Variants in TMEM11 observed in about 807,000 individuals in gnomAD.
TMEM11 encodes the protein transmembrane protein 11, also known as transmembrane protein 11, mitochondrial.
Under a neutral mutation model 17.0 loss-of-function variants are expected in TMEM11, and 1 was observed. That is an observed-to-expected ratio of 0.06 (90% CI 0.02 to 0.28). The LOEUF (loss-of-function observed/expected upper bound fraction) is 0.28, where lower values mean the gene tolerates loss of function less well. TMEM11 is among the 10% of genes least tolerant of loss of function. The probability of loss-of-function intolerance (pLI) is 1.00; values close to 1 mark genes in which losing one functional copy is unlikely to be tolerated. For missense variants in TMEM11, 172 were observed against 252.9 expected (o/e 0.68, Z 2.17); for synonymous variants, 122 against 118.1 (o/e 1.03, Z -0.21).
At chr17:21,203,055 G>A (rs1974899870) in intron 1 of TMEM11, among the ~76,000 whole-genome samples, 1 of 152,216 alleles carries the variant, frequency 6.6e-6, no homozygotes, top group African/African-American at 2.4e-5. Context: ...GCACAACGGC[G>A]CTGAGGCCAG....
chr17:21,211,355 T>A lies in TMEM11; in HGVS notation c.62+2736A>T, dbSNP rs191432147. The A allele has an allele frequency of 6.9e-5, 46 of 664,044 alleles. No homozygotes were observed. The Admixed American group carries it at 7.0e-4, about 10-fold the overall frequency. 41.1% of individuals were successfully genotyped at this position (664,044 alleles called of 1,614,324 possible). A position where few individuals can be genotyped will look rare whatever the true frequency, so the allele number is the denominator to read the frequency against. On this transcript the variant is annotated intron_variant, in intron 1 of 1. Transcript: ENST00000317635. ...ACTTTCTGCAGTGATGGAAATGTCCTCCACCTATGCTGTCCAATATGGTAG... is the reference window on the plus strand; with the variant it reads ...ACTTTCTGCAGTGATGGAAATGTCCACCACCTATGCTGTCCAATATGGTAG...
intron 1 of TMEM11, among the ~76,000 whole-genome samples, chr17:21,200,393 G>A (rs1453346728): frequency 1.3e-5 from 2 of 152,234 alleles, no homozygotes; most frequent in Non-Finnish European, 2.9e-5. Context: ...TCATCTGCAA[G>A]AAGTCTTTAT....
chr17:21,198,698 C>T lies in TMEM11; in HGVS notation c.205G>A (p.Asp69Asn), dbSNP rs758810977. 7 of 1,614,136 alleles carry T rather than the reference C, an allele frequency of 4.3e-6. No homozygotes were observed. Among genetic ancestry groups the T allele is most frequent in the Non-Finnish European group, 8.5e-7 (1 of 1,180,060 alleles). The stretch of plus-strand genomic sequence containing the variant: ...ACGGTGATCCAGCGGGCTGTCTCGT[C>T]GCCAATGCGAGTGGGCTCAATCACA... ...YIVIEPTRIG[D>N]ETARWITVGN... The change falls in exon 2 of 2, where the codon GAC becomes AAC. Residue 69 changes from aspartate (D) to asparagine (N), a missense_variant. Asp to Asn is a conservative substitution (Grantham distance 23). Transcript: ENST00000317635. This position sits in a 1 kb window ranked among gnomAD's most constrained non-coding sequence, Gnocchi z 6.5.
In TMEM11 at chr17:21,198,822, T is replaced by C; in HGVS notation, c.81A>G (p.Thr27=). Residue 27 remains threonine, a synonymous_variant, in exon 2 of 2, where the codon ACA becomes ACG. Transcript: ENST00000317635. This position sits in a 1 kb window ranked among gnomAD's most constrained non-coding sequence, Gnocchi z 6.5. ...SARERVSLSA[T]DCYIVHEIYN... ...AGATCTCATGCACAATGTAGCAGTCTGTGGCCGACAAGCTCACCCTTTTGA... is the reference window on the plus strand; with the variant it reads ...AGATCTCATGCACAATGTAGCAGTCCGTGGCCGACAAGCTCACCCTTTTGA... 6.2e-7 allele frequency: 1 copy of C among 1,609,996 alleles called. No homozygotes were observed. Among genetic ancestry groups the C allele is most frequent in the Admixed American group, 1.7e-5 (1 of 59,856 alleles).
chr17:21,205,225 C>T (rs1184454601), intron 1 of TMEM11, among the ~76,000 whole-genome samples: 2 of 152,134 alleles, frequency 1.3e-5, no homozygotes, highest in African/African-American at 4.8e-5. Flanking sequence ...AGGCAAGAGC[C>T]GCACAAGAAG....
intron 1 of TMEM11, among the ~76,000 whole-genome samples, chr17:21,210,636 AC>A (rs1974992396): frequency 6.6e-6 from 1 of 152,204 alleles, no homozygotes; most frequent in African/African-American, 2.4e-5. Context: ...GCCACCTGGG[AC>A]CAGGCACACC....
rs2144285228 is a variant in TMEM11, at chr17:21,198,884, G to A, written c.63-44C>T. 1 of 1,567,320 alleles carries A rather than the reference G, an allele frequency of 6.4e-7. No homozygotes were observed. The highest frequency in any genetic ancestry group is 8.6e-7 in the Non-Finnish European group (1 of 1,156,604). Reference sequence around the variant, plus strand: ...GGAAAGGGAGAGAGAGAGAGAGACAGGATGATTAGGCTGAGGAGCACTTAA... The same window carrying A: ...GGAAAGGGAGAGAGAGAGAGAGACAAGATGATTAGGCTGAGGAGCACTTAA... On this transcript the variant is annotated intron_variant, in intron 1 of 1. Coordinates refer to ENST00000317635, the MANE Select transcript of TMEM11 (RefSeq NM_003876.3). This position sits in a 1 kb window ranked among gnomAD's most constrained non-coding sequence, Gnocchi z 6.5.
chr17:21,214,032 G>A (rs925555320), intron 1 of TMEM11, 59 bp downstream of exon 1: 43 of 1,521,754 alleles, frequency 2.8e-5, no homozygotes, highest in Non-Finnish European at 3.3e-5. Flanking sequence ...CGGAGGCCGC[G>A]CTGGGCTCTC....
intron 1 of TMEM11, among the ~76,000 whole-genome samples, chr17:21,202,845 GGGGCAC>G (rs1208731992): frequency 2.0e-5 from 3 of 152,206 alleles, no homozygotes; most frequent in Non-Finnish European, 2.9e-5. Flanking sequence ...CGTGGACATG[GGGGCAC>G]TCGCCAGCAC....
chr17:21,198,361 T>G lies in TMEM11; in HGVS notation c.542A>C (p.Tyr181Ser). Residue 181 changes from tyrosine (Y) to serine (S), a missense_variant, in exon 2 of 2, where the codon TAC becomes TCC. By Grantham distance (144) the Tyr-to-Ser change is moderately radical (BLOSUM62 -2). Transcript: ENST00000317635. The surrounding 1 kb of genome is among the most constrained non-coding windows in gnomAD (Gnocchi z 6.5). ...GAGTTCGTAAATCTTCTTTACACAGTACACCAGGGCGGCCAGTGCTATCGT... is the reference window on the plus strand; with the variant it reads ...GAGTTCGTAAATCTTCTTTACACAGGACACCAGGGCGGCCAGTGCTATCGT... ...HNTIALAALV[Y>S]CVKKIYELYA... 1 of 1,614,222 alleles carries G rather than the reference T, an allele frequency of 6.2e-7. No individual in the cohort carries two copies. Among genetic ancestry groups the G allele is most frequent in the Non-Finnish European group, 8.5e-7 (1 of 1,180,032 alleles).
chr17:21,206,381 C>T (rs990610594), intron 1 of TMEM11, among the ~76,000 whole-genome samples: 9 of 152,052 alleles, frequency 5.9e-5, no homozygotes, highest in Non-Finnish European at 1.0e-4. Flanking sequence ...GCTGCCACGC[C>T]CAGCTAATTT....
At chr17:21,203,213 A>G (rs1295672643) in intron 1 of TMEM11, among the ~76,000 whole-genome samples, 1 of 152,240 alleles carries the variant, frequency 6.6e-6, no homozygotes, top group East Asian at 1.9e-4. Flanking sequence ...GGTTCAAACC[A>G]AAACACACAC....
chr17:21,204,217 T>G (rs1400639064), intron 1 of TMEM11, among the ~76,000 whole-genome samples: 1 of 151,146 alleles, frequency 6.6e-6, no homozygotes, highest in Non-Finnish European at 1.5e-5. Context: ...GCGGATCACC[T>G]GAGATCAGGA....
intron 1 of TMEM11, among the ~76,000 whole-genome samples, chr17:21,212,261 C>T (rs562436415): frequency 2.7e-4 from 41 of 152,294 alleles, no homozygotes; most frequent in African/African-American, 8.9e-4. Flanking sequence ...ACAACATCTG[C>T]GTGTGTGAGT....
rs1004815106 is a variant in TMEM11 at position 21,198,863 on chromosome 17, A to T, written c.63-23T>A. On this transcript the variant is annotated intron_variant, in intron 1 of 1. Transcript: ENST00000317635. The surrounding 1 kb of genome is among the most constrained non-coding windows in gnomAD (Gnocchi z 6.5). ...ACCCTTTTGATGGAGGGGGCAGGAA[A>T]GGGAGAGAGAGAGAGAGACAGGATG... The T allele has an allele frequency of 5.0e-6, 8 of 1,592,042 alleles. No individual in the cohort carries two copies. In the African/African-American group the frequency reaches 8.0e-5, roughly 16 times the overall value.
intron 1 of TMEM11, chr17:21,213,679 C>G (rs912309960): frequency 7.1e-5 from 14 of 197,234 alleles, no homozygotes; most frequent in African/African-American, 3.3e-4. Flanking sequence ...TCCGGGGGCC[C>G]TGCCTTCCTC....
intron 1 of TMEM11, among the ~76,000 whole-genome samples, chr17:21,211,889 C>T (rs1567637855): frequency 1.3e-5 from 2 of 152,184 alleles, no homozygotes; most frequent in African/African-American, 4.8e-5. Flanking sequence ...TTTTAGAGAG[C>T]CATAAACAGC....
In TMEM11 at chr17:21,201,171, A is replaced by C. The variant is rs142663389; in HGVS notation, c.63-2331T>G. Among the ~76,000 whole-genome samples, 952 of 152,348 alleles carry C rather than the reference A, an allele frequency of 6.2e-3. 10 individuals are homozygous for C. The highest frequency in any genetic ancestry group is 0.022 in the African/African-American group (913 of 41,580). On this transcript the variant is annotated intron_variant, in intron 1 of 1. Transcript: ENST00000317635. ...CTCATGTGGCCACATTAAAGATGAA[A>C]GTCATTGGTAATGGGCTGACTGTGC...
chr17:21,209,023 C>T (rs1974974570), intron 1 of TMEM11, among the ~76,000 whole-genome samples: 1 of 152,190 alleles, frequency 6.6e-6, no homozygotes, highest in Non-Finnish European at 1.5e-5. Flanking sequence ...TCTTTGGGAC[C>T]CACAGAAAGC....
Sources: gnomAD v4.1 joint callset for allele counts (sites outside exome capture counted in the v4.1 genomes callset) on GRCh38, gnomAD v4.1.1 for gene constraint, Gnocchi (gnomAD v3.1) non-coding constraint, MANE v1.5 for transcripts, NCBI Gene and HGNC (gene_info 2026-07-23, HGNC 2026-07-21) for gene names.